Variants in GSN observed in about 807,000 individuals in gnomAD.
GSN encodes gelsolin.
Under a neutral mutation model 85.7 loss-of-function variants are expected in GSN, and 56 were observed. That is an observed-to-expected ratio of 0.65 (90% confidence interval 0.53 to 0.82). GSN has a LOEUF of 0.82. GSN is among the 40% of genes least tolerant of loss of function. GSN has a pLI of 0.00. For synonymous variants in GSN, 373 were observed against 399.1 expected, an observed-to-expected ratio of 0.93 and a Z score of 0.78; for missense variants, 857 against 979.8, an observed-to-expected ratio of 0.87 and a Z score of 1.67.
intron 4 of GSN, among the ~76,000 whole-genome samples, chr9:121,222,612 A>G: frequency 6.6e-6 from 1 of 152,218 alleles, no homozygotes; most frequent in East Asian, 1.9e-4. Flanking sequence ...AATTTGCATT[A>G]CAATTACCTC....
chr9:121,258,437 T>C (rs1171264349), intron 6 of GSN, among the ~76,000 whole-genome samples: 1 of 150,252 alleles, frequency 6.7e-6, no homozygotes, highest in Non-Finnish European at 1.5e-5. Context: ...CACTCCAGCC[T>C]GGGCGACAGA....
At chr9:121,237,782 A>G (rs932473683) in intron 5 of GSN, among the ~76,000 whole-genome samples, 1 of 152,250 alleles carries the variant, frequency 6.6e-6, no homozygotes, top group Non-Finnish European at 1.5e-5. Context: ...TGAGAGGTAA[A>G]GTCCAAGAGA....
chr9:121,321,168 C>T lies in GSN; in HGVS notation c.1192-100C>T, dbSNP rs370198128. On this transcript the variant is annotated intron_variant, in intron 10 of 17. Transcript: ENST00000432226. Reference sequence around the variant, plus strand: ...AGCCCAAGTGATTAAAAGTTCATCCCATGGCCTAACCACAACCTACCACAC... The same window carrying T: ...AGCCCAAGTGATTAAAAGTTCATCCTATGGCCTAACCACAACCTACCACAC... The T allele has an allele frequency of 5.7e-5, 74 of 1,288,436 alleles. No individual in the cohort carries two copies. The East Asian group carries it at 1.7e-3, about 29-fold the overall frequency. The allele number at this position is 1,288,436 out of a possible 1,614,324, so 79.8% of individuals were successfully genotyped here. A position where few individuals can be genotyped will look rare whatever the true frequency, so the allele number is the denominator to read the frequency against.
intron 2 of GSN, among the ~76,000 whole-genome samples, chr9:121,295,606 G>T (rs1175321655): frequency 6.6e-6 from 1 of 152,186 alleles, no homozygotes; most frequent in Non-Finnish European, 1.5e-5. Context: ...CTCTGGTAGG[G>T]GGTCCCGCAG....
At chr9:121,306,286 A>G (rs747883127) in intron 4 of GSN, among the ~76,000 whole-genome samples, 3 of 152,170 alleles carry the variant, frequency 2.0e-5, no homozygotes, top group Admixed American at 2.0e-4. Context: ...TTAGATAAGG[A>G]GCTCTGAGTT....
At chr9:121,211,558 G>T (rs2053968214) in intron 4 of GSN, among the ~76,000 whole-genome samples, 1 of 152,184 alleles carries the variant, frequency 6.6e-6, no homozygotes, top group Non-Finnish European at 1.5e-5. Flanking sequence ...ATCTGGCTGG[G>T]ATAGGGGTAA....
At chr9:121,298,468 T>G (rs1292068800) in intron 2 of GSN, among the ~76,000 whole-genome samples, 2 of 152,144 alleles carry the variant, frequency 1.3e-5, no homozygotes, top group Non-Finnish European at 2.9e-5. Context: ...AGGGCAAACT[T>G]CAGCCTCATT....
At chr9:121,301,775 A>C in intron 2 of GSN, 188 bp from the exon 3 acceptor site, 1 of 825,232 alleles carries the variant, frequency 1.2e-6, no homozygotes, top group Non-Finnish European at 2.0e-6. Context: ...TTGAAGCATA[A>C]AACTCTTGCC....
chr9:121,325,681 T>C (rs559303892), intron 12 of GSN, among the ~76,000 whole-genome samples: 100 of 152,218 alleles, frequency 6.6e-4, no homozygotes, highest in African/African-American at 2.3e-3. Context: ...GGGCTCTAGA[T>C]TGGCATCGGG....
rs1318264424 is a variant in GSN, at chr9:121,321,344, A to G, written c.1268A>G (p.Tyr423Cys). 6.2e-7 allele frequency: 1 copy of G among 1,613,932 alleles called. No homozygotes were observed. Among genetic ancestry groups the G allele is most frequent in the South Asian group, 1.1e-5 (1 of 91,074 alleles). Residue 423 changes from tyrosine (Y) to cysteine (C), a missense_variant, in exon 11 of 18, where the codon TAC (tyrosine) becomes TGC (cysteine). Coordinates refer to ENST00000432226, the MANE Select transcript of GSN (RefSeq NM_198252.3). ...TYGQFYGGDS[Y>C]IILYNYRHGG... ...GGACAGTTCTATGGAGGCGACAGCT[A>G]CATCATTCTGTACAACTACCGCCAT...
intron 6 of GSN, among the ~76,000 whole-genome samples, chr9:121,260,741 T>G (rs2055065801): frequency 6.6e-6 from 1 of 152,182 alleles, no homozygotes; most frequent in Non-Finnish European, 1.5e-5. Flanking sequence ...AACTCGGATG[T>G]TCTACTTCCC....
At chr9:121,296,342 G>C (rs1259310932) in intron 2 of GSN, among the ~76,000 whole-genome samples, 1 of 152,174 alleles carries the variant, frequency 6.6e-6, no homozygotes, top group Non-Finnish European at 1.5e-5. Context: ...AGGTGAGGTG[G>C]CATGCTGCTA....
At chr9:121,287,171 T>A (rs1338637499) in intron 2 of GSN, among the ~76,000 whole-genome samples, 3 of 152,068 alleles carry the variant, frequency 2.0e-5, no homozygotes, top group Non-Finnish European at 2.9e-5. Flanking sequence ...TGGCGATTGT[T>A]TTTCCTAAGA....
intron 4 of GSN, among the ~76,000 whole-genome samples, chr9:121,227,326 G>A (rs1292872357): frequency 3.3e-5 from 5 of 152,006 alleles, no homozygotes; most frequent in African/African-American, 7.2e-5. Context: ...CCCAGGAGGC[G>A]GAGGTTGCAG....
chr9:121,230,518 T>A (rs957332843), intron 4 of GSN, among the ~76,000 whole-genome samples: 8 of 151,716 alleles, frequency 5.3e-5, no homozygotes, highest in Non-Finnish European at 7.3e-5. Context: ...TTGAGGAAGT[T>A]GCAATGTGGG....
chr9:121,232,856 T>C (rs918603452), intron 5 of GSN, among the ~76,000 whole-genome samples: 4 of 152,186 alleles, frequency 2.6e-5, no homozygotes, highest in Admixed American at 2.6e-4. Flanking sequence ...CCTTGATGTT[T>C]GCTTTGTGGC....
intron 4 of GSN, among the ~76,000 whole-genome samples, chr9:121,218,093 T>C (rs1321338348): frequency 6.6e-6 from 1 of 152,198 alleles, no homozygotes; most frequent in Non-Finnish European, 1.5e-5. Context: ...TGACTAAGCA[T>C]GTTCAGAACA....
At chr9:121,255,035 GC>G (rs981776005) in intron 6 of GSN, among the ~76,000 whole-genome samples, 1 of 151,974 alleles carries the variant, frequency 6.6e-6, no homozygotes, top group Admixed American at 6.6e-5. Context: ...TGCAAGCTCT[GC>G]CCCCTGGGTT....
chr9:121,289,131 C>A (rs900994851), intron 2 of GSN, among the ~76,000 whole-genome samples: 8 of 152,090 alleles, frequency 5.3e-5, no homozygotes, highest in East Asian at 1.9e-4. Flanking sequence ...CAGCAGGAAC[C>A]AAGTTCCTCC....
Sources: allele counts gnomAD v4.1 joint callset (sites outside exome capture counted in the v4.1 genomes callset), GRCh38; gene constraint gnomAD v4.1.1; transcripts MANE v1.5; gene names NCBI Gene and HGNC (gene_info 2026-07-23, HGNC 2026-07-21).